XRCC6: variants seen among roughly 807,000 people sequenced by gnomAD.
The protein encoded by XRCC6 is X-ray repair cross complementing 6.
In XRCC6, 5 loss-of-function variants were observed where a neutral mutation model predicts 65.7. The observed-to-expected ratio is 0.08, with a 90% confidence interval of 0.04 to 0.16. The LOEUF is 0.16. XRCC6 is among the 10% of genes least tolerant of loss of function. XRCC6 has a pLI of 1.00. For missense variants in XRCC6, 447 were observed against 738.1 expected (o/e 0.61, Z 4.57); for synonymous variants, 270 against 270.6 (o/e 1.00, Z 0.02).
intron 6 of XRCC6, among the ~76,000 whole-genome samples, chr22:41,645,798 C>T (rs755738444): frequency 3.3e-5 from 5 of 150,740 alleles, no homozygotes; most frequent in African/African-American, 7.3e-5. Flanking sequence ...CTGGTTCAAG[C>T]GATTCTCCTG....
chr22:41,636,026 A>G (rs1052918954), intron 3 of XRCC6, 87 bp from the exon 4 acceptor site: 1 of 1,220,588 alleles, frequency 8.2e-7, no homozygotes, highest in South Asian at 1.8e-5. Flanking sequence ...AATTCAGTGC[A>G]CATATTTTGA....
intron 6 of XRCC6, among the ~76,000 whole-genome samples, chr22:41,639,335 T>TTTTTTC (rs2067848256): frequency 1.1e-5 from 1 of 92,194 alleles, no homozygotes. Context: ...TTTTCTTTTT[T>TTTTTTC]TTTTTTTTTT....
intron 2 of XRCC6, among the ~76,000 whole-genome samples, chr22:41,622,825 G>C (rs1189248749): frequency 6.6e-6 from 1 of 151,806 alleles, no homozygotes; most frequent in East Asian, 1.9e-4. Context: ...GTCGCCTGTA[G>C]TCCCAGCTGC....
intron 7 of XRCC6, among the ~76,000 whole-genome samples, chr22:41,650,044 G>T (rs2067980277): frequency 6.6e-6 from 1 of 151,728 alleles, no homozygotes; most frequent in Non-Finnish European, 1.5e-5. Context: ...ATAATAAATA[G>T]ATATGGTTTA....
intron 6 of XRCC6, among the ~76,000 whole-genome samples, chr22:41,643,244 AC>A (rs1369660485): frequency 2.0e-5 from 3 of 151,998 alleles, no homozygotes; most frequent in Admixed American, 2.0e-4. Flanking sequence ...CCCCGTCTCT[AC>A]TAAAAATACA....
intron 3 of XRCC6, among the ~76,000 whole-genome samples, chr22:41,629,019 C>G (rs1171476022): frequency 7.6e-6 from 1 of 131,128 alleles, no homozygotes; most frequent in Non-Finnish European, 1.6e-5. Flanking sequence ...AGATGTCCAA[C>G]AAGCACAGGA....
chr22:41,624,270 C>T (rs1389382396), intron 2 of XRCC6, among the ~76,000 whole-genome samples: 1 of 152,108 alleles, frequency 6.6e-6, no homozygotes, highest in African/African-American at 2.4e-5. Flanking sequence ...CACTTGTAGT[C>T]TCAGCTGCTT....
intron 3 of XRCC6, among the ~76,000 whole-genome samples, chr22:41,631,092 A>C (rs55979607): frequency 0.094 from 12,195 of 130,164 alleles, 1,634 homozygotes; most frequent in African/African-American, 0.32. Flanking sequence ...GGGTGGGGGG[A>C]TGACCCCCCC....
chr22:41,637,531 T>G (rs2067822230), intron 5 of XRCC6, 77 bp from the exon 6 acceptor site: 1 of 1,319,066 alleles, frequency 7.6e-7, no homozygotes, highest in Non-Finnish European at 1.0e-6. Context: ...AAAGCATGTT[T>G]CAGTTTTAAC....
At position 41,658,327 on chromosome 22, in the gene XRCC6, G is replaced by A; in HGVS notation, c.1497G>A (p.Glu499=). The change falls in exon 11 of 13, where the codon GAG becomes GAA. Residue 499 remains glutamate, a synonymous_variant. Coordinates refer to ENST00000360079, the MANE Select transcript of XRCC6 (RefSeq NM_001469.5). ...NLEALALDLM[E]PEQAVDLTLP... is the part of the protein sequence containing the mutation. The stretch of plus-strand genomic sequence containing the variant: ...AGGCCTTGGCCTTGGATTTGATGGA[G>A]CCGGAACAAGCAGTGGACCTGACAT... 1 of 1,614,144 alleles carries A rather than the reference G, an allele frequency of 6.2e-7. No individual in the cohort carries two copies.
chr22:41,642,701 A>G (rs2067891473), intron 6 of XRCC6, among the ~76,000 whole-genome samples: 1 of 152,292 alleles, frequency 6.6e-6, no homozygotes, highest in African/African-American at 2.4e-5. Context: ...TTACTGTAGC[A>G]ATCTATAGAG....
At chr22:41,645,493 G>C (rs1241955222) in intron 6 of XRCC6, among the ~76,000 whole-genome samples, 1 of 151,878 alleles carries the variant, frequency 6.6e-6, no homozygotes, top group Non-Finnish European at 1.5e-5. Context: ...CAGAGACCCC[G>C]ACTCTCAGAT....
rs767632763 is a variant in XRCC6 at position 41,657,041 on chromosome 22, A to G, written c.1421+9A>G. 9.0e-6 allele frequency: 14 copies of G among 1,556,464 alleles called. No individual in the cohort carries two copies. The highest frequency in any genetic ancestry group is 1.2e-5 in the South Asian group (1 of 81,956). ...CTTCGCTTCACATACAGGTGAGTCA[A>G]TCTCAGGCTTTCTGGAACTGCCTCC... On this transcript the variant is annotated intron_variant, in intron 10 of 12. Coordinates refer to ENST00000360079, the MANE Select transcript of XRCC6 (RefSeq NM_001469.5).
intron 6 of XRCC6, among the ~76,000 whole-genome samples, chr22:41,638,602 G>A (rs2067837219): frequency 6.6e-6 from 1 of 151,950 alleles, no homozygotes; most frequent in Admixed American, 6.6e-5. Flanking sequence ...TGGCCTACAT[G>A]GTGAAACCTT....
In XRCC6 at chr22:41,636,227, G is replaced by A. The variant is rs757018461; in HGVS notation, c.310G>A (p.Val104Ile). ...KNSVNFKNIY[V>I]LQELDNPGAK... ...TTCAGTGAATTTTAAAAATATTTAC[G>A]TCTTACAGGAGCTGGATAATCCAGG... Residue 104 changes from valine (V) to isoleucine (I), a missense_variant, in exon 4 of 13, where the codon GTC becomes ATC. By Grantham distance (29) the Val-to-Ile change is conservative. This residue lies in a region of XRCC6 where 228 missense variants were observed against 307.4 expected (regional missense o/e 0.74). Coordinates refer to ENST00000360079, the MANE Select transcript of XRCC6 (RefSeq NM_001469.5). 12 of 1,599,372 alleles carry A rather than the reference G, an allele frequency of 7.5e-6. No homozygotes were observed. The highest frequency in any genetic ancestry group is 1.7e-4 in the Middle Eastern group (1 of 5,932).
chr22:41,641,120 C>T (rs1028983608), intron 6 of XRCC6, among the ~76,000 whole-genome samples: 5 of 152,136 alleles, frequency 3.3e-5, no homozygotes, highest in East Asian at 1.9e-4. Flanking sequence ...ATAGGATTGC[C>T]GTGAGCATTA....
intron 2 of XRCC6, 73 bp from the exon 3 acceptor site, chr22:41,628,045 C>G (rs1353247349): frequency 5.0e-6 from 5 of 992,116 alleles, no homozygotes; most frequent in Non-Finnish European, 7.5e-6. Flanking sequence ...TCCTTTATGG[C>G]CTTTATTTAT....
At chr22:41,654,403 A>G (rs1023441081) in intron 9 of XRCC6, among the ~76,000 whole-genome samples, 5 of 152,128 alleles carry the variant, frequency 3.3e-5, no homozygotes, top group African/African-American at 1.2e-4. Context: ...GCTCTGCACT[A>G]CTGAGGCTGA....
At chr22:41,655,766 G>A (rs1261116245) in intron 9 of XRCC6, among the ~76,000 whole-genome samples, 1 of 150,140 alleles carries the variant, frequency 6.7e-6, no homozygotes. Flanking sequence ...GTCTCACTAT[G>A]TTGCCCAGGC....
Sources: allele counts gnomAD v4.1 joint callset (sites outside exome capture counted in the v4.1 genomes callset), GRCh38; gene constraint gnomAD v4.1.1; regional missense constraint gnomAD v4.1.1; transcripts MANE v1.5; gene names NCBI Gene and HGNC (gene_info 2026-07-23, HGNC 2026-07-21).